LITAF: variants seen among roughly 807,000 people sequenced by gnomAD.
LITAF encodes the protein lipopolysaccharide induced TNF factor.
A neutral mutation model predicts 14.5 loss-of-function variants in LITAF; 9 were observed. The ratio of observed to expected loss-of-function variants is 0.62; its 90% CI spans 0.37 to 1.08. The LOEUF is 1.08. Among genes scored for constraint, LITAF ranks in the 50% least tolerant of loss-of-function variants. LITAF has a pLI of 0.01. For synonymous variants in LITAF, 98 were observed against 88.2 expected (o/e 1.11, Z -0.62); for missense variants, 206 against 213.4 (o/e 0.97, Z 0.22).
At chr16:11,554,900 G>A (rs1051936565) in intron 2 of LITAF, among the ~76,000 whole-genome samples, 8 of 151,388 alleles carry the variant, frequency 5.3e-5, no homozygotes, top group Non-Finnish European at 1.2e-4. Flanking sequence ...TCCTTTTTAC[G>A]TTAGAATGTC....
chr16:11,560,581 T>TC (rs139684869), intron 1 of LITAF, among the ~76,000 whole-genome samples: 28,579 of 107,422 alleles, frequency 0.27, 2,880 homozygotes, highest in African/African-American at 0.33. Context: ...AGATTCCATC[T>TC]CAAAAAAAAA....
chr16:11,576,214 A>T (rs1453031544), intron 1 of LITAF, among the ~76,000 whole-genome samples: 1 of 152,060 alleles, frequency 6.6e-6, no homozygotes, highest in African/African-American at 2.4e-5. Flanking sequence ...CATGCCTGTA[A>T]TCCCAGTGCT....
At chr16:11,565,526 T>G (rs2064438002) in intron 1 of LITAF, among the ~76,000 whole-genome samples, 1 of 152,124 alleles carries the variant, frequency 6.6e-6, no homozygotes, top group Non-Finnish European at 1.5e-5. Context: ...GCCTTAAAAC[T>G]GAGCCTCTAA....
At chr16:11,622,280 G>A (rs924853000) in intron 3 of LITAF, among the ~76,000 whole-genome samples, 3 of 152,262 alleles carry the variant, frequency 2.0e-5, no homozygotes, top group Non-Finnish European at 4.4e-5. Flanking sequence ...GAGACCCAGA[G>A]TAAACAGCCT....
At chr16:11,585,133 A>C (rs1229538836) in intron 1 of LITAF, among the ~76,000 whole-genome samples, 1 of 150,930 alleles carries the variant, frequency 6.6e-6, no homozygotes, top group Non-Finnish European at 1.5e-5. Flanking sequence ...GCTTGAACTC[A>C]GGCAGGGGGT....
At chr16:11,631,078 T>A (rs1225525327) in intron 3 of LITAF, among the ~76,000 whole-genome samples, 1 of 152,220 alleles carries the variant, frequency 6.6e-6, no homozygotes, top group African/African-American at 2.4e-5. Flanking sequence ...CACCTGCCCA[T>A]AGCGTGTGGT....
rs953432084 is a variant in LITAF, at chr16:11,586,578, G to A, written c.-6+308C>T. Among the ~76,000 whole-genome samples, 61 of 152,114 alleles carry A rather than the reference G, an allele frequency of 4.0e-4. No homozygotes were observed. Among genetic ancestry groups the A allele is most frequent in the Middle Eastern group, 3.4e-3 (1 of 292 alleles). ...CGGGGAGGGGGACGCGGCGGGCCGC[G>A]AAGGGCGCTCGTTCGGGTGGGGGCC... On this transcript the variant is annotated intron_variant, in intron 1 of 3. Transcript: ENST00000622633. The surrounding 1 kb of genome is among the most constrained non-coding windows in gnomAD (Gnocchi z 6.5).
intron 3 of LITAF, among the ~76,000 whole-genome samples, chr16:11,612,981 G>C (rs879504905): frequency 2.0e-5 from 3 of 152,112 alleles, no homozygotes; most frequent in Non-Finnish European, 2.9e-5. Flanking sequence ...CCTCTTGATG[G>C]GCAAGGCCAG....
At chr16:11,583,827 T>C (rs1343476439) in intron 1 of LITAF, among the ~76,000 whole-genome samples, 1 of 152,212 alleles carries the variant, frequency 6.6e-6, no homozygotes, top group Non-Finnish European at 1.5e-5. Flanking sequence ...AACTCCTACC[T>C]ACTGCGAGGT....
At chr16:11,616,799 C>G (rs1289290963) in intron 3 of LITAF, among the ~76,000 whole-genome samples, 1 of 151,180 alleles carries the variant, frequency 6.6e-6, no homozygotes, top group South Asian at 2.1e-4. Context: ...GTGGTCCCAA[C>G]TACTCAGGAG....
upstream of LITAF, among the ~76,000 whole-genome samples, chr16:11,599,727 A>G (rs923520429): frequency 6.6e-6 from 1 of 151,964 alleles, no homozygotes; most frequent in African/African-American, 2.4e-5. Context: ...CTCACCTCCA[A>G]AACATCTTCC....
In LITAF at chr16:11,556,500, G is replaced by A; in HGVS notation, c.220+11C>T. The A allele has an allele frequency of 6.2e-7, 1 of 1,607,734 alleles. No individual in the cohort carries two copies. The highest frequency in any genetic ancestry group is 8.5e-7 in the Non-Finnish European group (1 of 1,175,150). On this transcript the variant is annotated intron_variant, in intron 2 of 3. Transcript: ENST00000622633. ...AGGAATGGTAAGGGGGGCCTGGGAG[G>A]CCACACGTACTTGGATTGTTATTGG...
upstream of LITAF, among the ~76,000 whole-genome samples, chr16:11,588,955 G>C (rs1236738480): frequency 6.7e-6 from 1 of 150,088 alleles, no homozygotes; most frequent in Non-Finnish European, 1.5e-5. Flanking sequence ...ATTTTCTTCT[G>C]TCCTTTACTG....
chr16:11,572,319 C>T (rs2064556261), intron 1 of LITAF, among the ~76,000 whole-genome samples: 1 of 152,016 alleles, frequency 6.6e-6, no homozygotes, highest in Admixed American at 6.6e-5. Context: ...TGACCACAGC[C>T]CTCCCCTAGA....
At chr16:11,612,678 C>T (rs1433088685) in intron 3 of LITAF, among the ~76,000 whole-genome samples, 2 of 152,058 alleles carry the variant, frequency 1.3e-5, no homozygotes, top group South Asian at 2.1e-4. Flanking sequence ...CAGCCCAGAA[C>T]TGGCCACCCA....
chr16:11,592,175 G>A (rs2064851012), upstream of LITAF, among the ~76,000 whole-genome samples: 1 of 152,126 alleles, frequency 6.6e-6, no homozygotes. Context: ...CCACAGAAGA[G>A]GAGAAAATGT....
At chr16:11,600,731 A>T (rs1023863045), upstream of LITAF, among the ~76,000 whole-genome samples, 1 of 151,892 alleles carries the variant, frequency 6.6e-6, no homozygotes, top group Admixed American at 6.6e-5. This position sits in a 1 kb window ranked among gnomAD's most constrained non-coding sequence, Gnocchi z 4.1. Context: ...TCCATAAGAG[A>T]CCCCAGACCC....
At chr16:11,580,601 C>T (rs1031939317) in intron 1 of LITAF, among the ~76,000 whole-genome samples, 1 of 152,010 alleles carries the variant, frequency 6.6e-6, no homozygotes, top group African/African-American at 2.4e-5. Context: ...GACACCTGGT[C>T]ACAAGCCATC....
intron 1 of LITAF, among the ~76,000 whole-genome samples, chr16:11,581,934 A>C (rs1245044332): frequency 1.3e-5 from 2 of 152,150 alleles, no homozygotes; most frequent in Non-Finnish European, 2.9e-5. Context: ...GGAGGTTACA[A>C]AGGGGAGGGG....
Sources: allele counts gnomAD v4.1 joint callset (sites outside exome capture counted in the v4.1 genomes callset), GRCh38; gene constraint gnomAD v4.1.1; non-coding constraint Gnocchi (gnomAD v3.1); transcripts MANE v1.5; gene names NCBI Gene and HGNC (gene_info 2026-07-23, HGNC 2026-07-21).